The following H2BC12 variants were observed in gnomAD, a reference collection of about 807,000 sequenced individuals.
The protein encoded by H2BC12 is histone H2B type 1-K.
A neutral mutation model predicts 6.3 loss-of-function variants in H2BC12; 6 were observed. The ratio of observed to expected loss-of-function variants is 0.95; its 90% CI spans 0.52 to 1.87. H2BC12 has a LOEUF of 1.87. Ranked by LOEUF, H2BC12 falls within the 40% of genes most tolerant of loss-of-function variation. The pLI is 0.01. For synonymous variants in H2BC12, 132 were observed against 78.5 expected, an observed-to-expected ratio of 1.68 and a Z score of -3.60; for missense variants, 119 against 178.4, an observed-to-expected ratio of 0.67 and a Z score of 1.90.
downstream of H2BC12, among the ~76,000 whole-genome samples, chr6:27,144,828 G>C (rs1328295173): frequency 6.6e-6 from 1 of 152,050 alleles, no homozygotes; most frequent in Non-Finnish European, 1.5e-5. Flanking sequence ...ACGGAGTTTT[G>C]CTCTGTTGCC....
At chr6:27,146,162 T>G (rs565610794), downstream of H2BC12, among the ~76,000 whole-genome samples, 1 of 152,378 alleles carries the variant, frequency 6.6e-6, no homozygotes. Flanking sequence ...ACAAGTTTCC[T>G]GCACATCCCT....
At chr6:27,143,893 G>C (rs1428668876), downstream of H2BC12, among the ~76,000 whole-genome samples, 1 of 143,954 alleles carries the variant, frequency 6.9e-6, no homozygotes, top group Non-Finnish European at 1.5e-5. Flanking sequence ...AGACAATTTA[G>C]CACATTCAAC....
chr6:27,140,218 GACC>G, the H2BC12 span, among the ~76,000 whole-genome samples: 1 of 152,100 alleles, frequency 6.6e-6, no homozygotes, highest in Non-Finnish European at 1.5e-5. Flanking sequence ...ATGCGCTGGT[GACC>G]ACACCACTTA....
the H2BC12 span, chr6:27,139,655 G>T: frequency 6.4e-7 from 1 of 1,571,648 alleles, no homozygotes; most frequent in Non-Finnish European, 8.6e-7. Flanking sequence ...CTCTAAAAAG[G>T]CCCTTTTTAG....
downstream of H2BC12, among the ~76,000 whole-genome samples, chr6:27,144,355 G>A (rs777041939): frequency 1.3e-5 from 2 of 148,714 alleles, no homozygotes; most frequent in East Asian, 2.0e-4. Flanking sequence ...CCAGTCATTC[G>A]GGAAACTGAG....
At chr6:27,141,607 G>C (rs574729079), downstream of H2BC12, among the ~76,000 whole-genome samples, 1 of 152,314 alleles carries the variant, frequency 6.6e-6, no homozygotes, top group South Asian at 2.1e-4. Context: ...GGGGAAATGT[G>C]TCAGGACAGA....
the H2BC12 span, chr6:27,139,488 G>A: frequency 6.2e-7 from 1 of 1,614,204 alleles, no homozygotes; most frequent in Admixed American, 1.7e-5. Context: ...GAGTGTTGAA[G>A]GTGTTCCTGG....
At chr6:27,142,552 C>T (rs1377996910), downstream of H2BC12, among the ~76,000 whole-genome samples, 1 of 150,712 alleles carries the variant, frequency 6.6e-6, no homozygotes, top group Non-Finnish European at 1.5e-5. Context: ...GCTTGAGCCA[C>T]TGTGCCCAGA....
At chr6:27,146,278 G>T (rs561025600), downstream of H2BC12, 4 of 1,396,164 alleles carry the variant, frequency 2.9e-6, no homozygotes, top group African/African-American at 4.3e-5. Context: ...AGTGTGATAA[G>T]ATCATGATAA....
At chr6:27,146,301 G>A, downstream of H2BC12, 3 of 1,516,516 alleles carry the variant, frequency 2.0e-6, no homozygotes, top group Admixed American at 2.0e-5. Context: ...CCTTTAAAAA[G>A]ATCGCCCGAA....
downstream of H2BC12, among the ~76,000 whole-genome samples, chr6:27,145,764 T>A (rs73739601): frequency 1.3e-5 from 2 of 152,188 alleles, no homozygotes; most frequent in Admixed American, 6.5e-5. Context: ...CCGTGATGAT[T>A]TCATGTTCCG....
downstream of H2BC12, chr6:27,146,334 G>A (rs1255201556): frequency 1.9e-6 from 3 of 1,588,410 alleles, no homozygotes; most frequent in African/African-American, 2.7e-5. Context: ...TTAGGAACAC[G>A]TGTTTACAGC....
downstream of H2BC12, chr6:27,146,333 C>A: frequency 6.3e-7 from 1 of 1,588,268 alleles, no homozygotes; most frequent in Non-Finnish European, 8.6e-7. Flanking sequence ...ATTAGGAACA[C>A]GTGTTTACAG....
chr6:27,142,018 CA>C (rs1219546568), downstream of H2BC12, among the ~76,000 whole-genome samples: 1 of 152,056 alleles, frequency 6.6e-6, no homozygotes, highest in African/African-American at 2.4e-5. Flanking sequence ...GTGCTGGATT[CA>C]ATTAGATAGC....
downstream of H2BC12, among the ~76,000 whole-genome samples, chr6:27,143,718 G>T (rs1043932833): frequency 6.6e-5 from 10 of 151,732 alleles, no homozygotes; most frequent in Middle Eastern, 0.014. Flanking sequence ...GTTTCCCAAA[G>T]GATGGGAGAA....
the H2BC12 span, chr6:27,139,979 T>TTG: frequency 4.6e-6 from 1 of 218,948 alleles, no homozygotes; most frequent in Non-Finnish European, 9.8e-6. Flanking sequence ...TTCAAATACG[T>TTG]CTCAGGAGAT....
downstream of H2BC12, among the ~76,000 whole-genome samples, chr6:27,142,661 C>CAG (rs1262679965): frequency 7.8e-3 from 611 of 78,122 alleles, 5 homozygotes; most frequent in African/African-American, 0.039. Context: ...TTTTTTGAGA[C>CAG]AGTCTCGCTC....
At chr6:27,138,344 A>C in the H2BC12 span, among the ~76,000 whole-genome samples, 2 of 152,198 alleles carry the variant, frequency 1.3e-5, no homozygotes, top group Non-Finnish European at 2.9e-5. Flanking sequence ...GGACCACAGA[A>C]TATTACCCCA....
chr6:27,139,772 G>C, the H2BC12 span: 3 of 1,282,194 alleles, frequency 2.3e-6, no homozygotes, highest in South Asian at 4.9e-5. Flanking sequence ...TTAACTCGAC[G>C]CCGAAAATGG....
Sources: allele counts gnomAD v4.1 joint callset (sites outside exome capture counted in the v4.1 genomes callset), GRCh38; gene constraint gnomAD v4.1.1; transcripts MANE v1.5; gene names NCBI Gene and HGNC (gene_info 2026-07-23, HGNC 2026-07-21).